Variants in FAM117B observed in about 807,000 individuals in gnomAD.
FAM117B encodes family with sequence similarity 117 member B.
In FAM117B, 22 loss-of-function variants were observed where a neutral mutation model predicts 52.8. The ratio of observed to expected loss-of-function variants is 0.42; its 90% CI spans 0.30 to 0.59. The LOEUF is 0.59. Ranked by LOEUF, FAM117B falls within the 20% of genes least tolerant of loss-of-function variation. The pLI, the probability that FAM117B is intolerant of heterozygous loss-of-function variation, is 0.22. For synonymous variants in FAM117B, 309 were observed against 324.1 expected (o/e 0.95, Z 0.50); for missense variants, 678 against 802.6 (o/e 0.84, Z 1.88).
chr2:202,681,600 C>T (rs1407017080), intron 1 of FAM117B, among the ~76,000 whole-genome samples: 1 of 152,206 alleles, frequency 6.6e-6, no homozygotes, highest in Admixed American at 6.5e-5. Flanking sequence ...AGAGTGTTTG[C>T]ATCGAATAGG....
chr2:202,713,036 C>T (rs1291111928), intron 2 of FAM117B, among the ~76,000 whole-genome samples: 2 of 152,112 alleles, frequency 1.3e-5, no homozygotes, highest in Non-Finnish European at 2.9e-5. Flanking sequence ...CAGGGTAATA[C>T]TGGCCTCGTA....
intron 2 of FAM117B, among the ~76,000 whole-genome samples, chr2:202,719,952 T>C (rs891110669): frequency 2.6e-5 from 4 of 152,170 alleles, no homozygotes; most frequent in Non-Finnish European, 5.9e-5. Flanking sequence ...TTAGGAATAC[T>C]GTATGTGATG....
At chr2:202,650,816 C>G (rs1689944190) in intron 1 of FAM117B, among the ~76,000 whole-genome samples, 1 of 152,140 alleles carries the variant, frequency 6.6e-6, no homozygotes, top group African/African-American at 2.4e-5. Context: ...TCCGCTCTTC[C>G]AAGATCTTCT....
chr2:202,660,191 T>G (rs1394221958), intron 1 of FAM117B, among the ~76,000 whole-genome samples: 1 of 152,192 alleles, frequency 6.6e-6, no homozygotes, highest in East Asian at 1.9e-4. Context: ...GCTGCTTAAT[T>G]TTTGACAATT....
At chr2:202,702,698 C>T (rs1003019206) in intron 2 of FAM117B, among the ~76,000 whole-genome samples, 58 of 152,060 alleles carry the variant, frequency 3.8e-4, no homozygotes, top group African/African-American at 1.3e-3. Context: ...GGACTACAGG[C>T]GCCCGCCACC....
intron 1 of FAM117B, among the ~76,000 whole-genome samples, chr2:202,664,757 C>T (rs961844108): frequency 3.3e-5 from 5 of 151,744 alleles, no homozygotes; most frequent in Non-Finnish European, 5.9e-5. Flanking sequence ...TTTGCCTTAC[C>T]GTAGTAGTTT....
chr2:202,742,344 AT>A (rs1450227672), intron 4 of FAM117B, among the ~76,000 whole-genome samples: 1 of 152,236 alleles, frequency 6.6e-6, no homozygotes, highest in Non-Finnish European at 1.5e-5. Context: ...TGGTACATGA[AT>A]TGACAAACTG....
rs540999389 is a variant in FAM117B at position 202,726,356 on chromosome 2, A to G, written c.953A>G (p.Gln318Arg). 1.2e-6 allele frequency: 2 copies of G among 1,610,084 alleles called. No homozygotes were observed. The highest frequency in any genetic ancestry group is 1.7e-6 in the Non-Finnish European group (2 of 1,178,040). ...CATGGCAACCATGCAGCTATTAACCAGTGTCAGGTAAGAGTACCAATACCA... is the reference window on the plus strand; with the variant it reads ...CATGGCAACCATGCAGCTATTAACCGGTGTCAGGTAAGAGTACCAATACCA... ...PFHGNHAAIN[Q>R]CQAPVPKSAL... The change falls in exon 4 of 8, where the codon CAG becomes CGG. Residue 318 changes from glutamine to arginine, a missense_variant. Physicochemically the swap from Gln to Arg is conservative, Grantham distance 43. This residue lies in a region of FAM117B where 583 missense variants were observed against 644.8 expected (regional missense o/e 0.90). Coordinates refer to ENST00000392238, the MANE Select transcript of FAM117B (RefSeq NM_173511.4).
At position 202,759,258 on chromosome 2, in the gene FAM117B, C is replaced by G. The variant is rs762078525; in HGVS notation, c.1356C>G (p.Pro452=). ...AGAATGGGAACAATTCTCCTTTGCC[C>G]AAATATGCAACCTCACCAAAACCTA... ...DKENGNNSPL[P]KYATSPKPNN... is the part of the protein sequence containing the mutation. The change falls in exon 7 of 8, where the codon CCC becomes CCG. Residue 452 remains proline, a synonymous_variant. Transcript: ENST00000392238. The G allele has an allele frequency of 9.3e-6, 15 of 1,614,020 alleles. No individual in the cohort carries two copies. The highest frequency in any genetic ancestry group is 1.7e-5 in the Admixed American group (1 of 59,998).
chr2:202,715,189 T>C (rs1387271016), intron 2 of FAM117B, among the ~76,000 whole-genome samples: 135 of 93,016 alleles, frequency 1.5e-3, no homozygotes, highest in African/African-American at 5.4e-3. Context: ...CCCGGACGGG[T>C]CGGCTGGCCG....
intron 6 of FAM117B, 25 bp downstream of exon 6, chr2:202,757,463 C>T: frequency 1.2e-6 from 2 of 1,600,894 alleles, no homozygotes; most frequent in Non-Finnish European, 1.7e-6. Flanking sequence ...GAATGTGCTA[C>T]TAGATGATAA....
intron 2 of FAM117B, among the ~76,000 whole-genome samples, chr2:202,723,386 T>C (rs991443675): frequency 6.6e-6 from 1 of 152,212 alleles, no homozygotes; most frequent in African/African-American, 2.4e-5. Context: ...CAGAAGGGTA[T>C]ACACTAAGGG....
chr2:202,756,134 T>G (rs1038656514), intron 5 of FAM117B, among the ~76,000 whole-genome samples: 27 of 152,296 alleles, frequency 1.8e-4, no homozygotes, highest in African/African-American at 6.3e-4. Context: ...AGAAATTATC[T>G]GGCTGTGCAC....
At chr2:202,697,524 T>G (rs1690730092) in intron 2 of FAM117B, among the ~76,000 whole-genome samples, 1 of 152,052 alleles carries the variant, frequency 6.6e-6, no homozygotes. Context: ...GGTCTCAACA[T>G]TTTTTGAAGA....
intron 1 of FAM117B, among the ~76,000 whole-genome samples, chr2:202,637,811 T>C (rs983891023): frequency 1.3e-5 from 2 of 152,074 alleles, no homozygotes; most frequent in African/African-American, 4.8e-5. Flanking sequence ...GACATCATGA[T>C]GTGTAAGATA....
At chr2:202,714,533 C>CTTTTTTTTTTTTTT (rs1034689626) in intron 2 of FAM117B, among the ~76,000 whole-genome samples, 7 of 117,652 alleles carry the variant, frequency 5.9e-5, no homozygotes, top group Non-Finnish European at 8.6e-5. Flanking sequence ...TTTTTTTTTT[C>CTTTTTTTTTTTTTT]TTTTTTTTTT....
At chr2:202,747,627 A>G (rs1197982442) in intron 4 of FAM117B, among the ~76,000 whole-genome samples, 3 of 152,188 alleles carry the variant, frequency 2.0e-5, no homozygotes, top group Non-Finnish European at 4.4e-5. Context: ...AAGTCAATAT[A>G]TAAAAATGAG....
intron 2 of FAM117B, among the ~76,000 whole-genome samples, chr2:202,699,426 C>CAAAAAAAAAAA (rs751190825): frequency 2.8e-4 from 5 of 17,898 alleles, no homozygotes; most frequent in Non-Finnish European, 4.4e-4. Context: ...GACCCCATCT[C>CAAAAAAAAAAA]AAAAAAAAAA....
At position 202,696,034 on chromosome 2, in the gene FAM117B, T is replaced by G. The variant is rs1690706892; in HGVS notation, c.753+2T>G. 1 of 1,613,066 alleles carries G rather than the reference T, an allele frequency of 6.2e-7. No homozygotes were observed. Among genetic ancestry groups the G allele is most frequent in the Non-Finnish European group, 8.5e-7 (1 of 1,179,720 alleles). On this transcript the variant is annotated splice_donor_variant, in intron 2 of 7. Transcript: ENST00000392238. LOFTEE classifies it high-confidence loss of function. ...TGCATGAGGGACAAAGCTACACAGG[T>G]AAGCTTATTATAGTTCTTATCCTGA...
Sources: gnomAD v4.1 joint callset for allele counts (sites outside exome capture counted in the v4.1 genomes callset) on GRCh38, gnomAD v4.1.1 for gene constraint, gnomAD v4.1.1 regional missense constraint, MANE v1.5 for transcripts, NCBI Gene and HGNC (gene_info 2026-07-23, HGNC 2026-07-21) for gene names.